Variants in MACROD2 observed in about 807,000 individuals in gnomAD.
MACROD2 encodes the protein mono-ADP ribosylhydrolase 2.
In MACROD2, 36 loss-of-function variants were observed where a neutral mutation model predicts 70.4. The observed-to-expected ratio is 0.51, with a 90% CI of 0.39 to 0.68. MACROD2 has a LOEUF of 0.68. Ranked by LOEUF, MACROD2 falls within the 30% of genes least tolerant of loss-of-function variation. The pLI is 0.00. For synonymous variants in MACROD2, 172 were observed against 178.8 expected (o/e 0.96, Z 0.30); for missense variants, 496 against 538.4 (o/e 0.92, Z 0.78).
At chr20:15,140,769 C>T (rs1222197326) in intron 5 of MACROD2, among the ~76,000 whole-genome samples, 2 of 152,078 alleles carry the variant, frequency 1.3e-5, no homozygotes, top group East Asian at 3.9e-4. Context: ...AGAGTGCTCC[C>T]TTAGGGACCT....
intron 8 of MACROD2, among the ~76,000 whole-genome samples, chr20:15,763,977 A>T (rs932191607): frequency 4.6e-5 from 7 of 152,252 alleles, no homozygotes; most frequent in Non-Finnish European, 8.8e-5. Context: ...TTTTAGCAAG[A>T]TTTGCATAAT....
chr20:14,524,284 C>T (rs1315492240), intron 4 of MACROD2, among the ~76,000 whole-genome samples: 1 of 152,144 alleles, frequency 6.6e-6, no homozygotes, highest in African/African-American at 2.4e-5. Context: ...TAGTCTTTCA[C>T]CTTAAGGATT....
At chr20:14,435,002 A>G (rs575178863) in intron 3 of MACROD2, among the ~76,000 whole-genome samples, 20 of 152,234 alleles carry the variant, frequency 1.3e-4, no homozygotes, top group Admixed American at 1.1e-3. Flanking sequence ...TGATAACTGT[A>G]TTACTTTCCT....
intron 5 of MACROD2, among the ~76,000 whole-genome samples, chr20:15,031,986 C>G (rs2075278594): frequency 6.6e-6 from 1 of 152,196 alleles, no homozygotes; most frequent in African/African-American, 2.4e-5. Flanking sequence ...TGGCCTCCCT[C>G]CCACACTCGT....
intron 7 of MACROD2, among the ~76,000 whole-genome samples, chr20:15,489,148 G>C (rs941788430): frequency 6.6e-6 from 1 of 152,142 alleles, no homozygotes; most frequent in African/African-American, 2.4e-5. Flanking sequence ...GAAAGAAAAA[G>C]TGTCTCAAGA....
Position 14,814,197 on chromosome 20 carries a change from T to A in MACROD2, c.418+129238T>A, listed in dbSNP as rs529109337. Among the ~76,000 whole-genome samples, 9 of 152,176 alleles carry A rather than the reference T, an allele frequency of 5.9e-5. No homozygotes were observed. In the East Asian group the frequency reaches 1.7e-3, roughly 29 times the overall value. ...CCGGACAGAGTGCATTCCAAATCAG[T>A]GCTGTTTCGTGTCTCTCTTTTTCAC... On this transcript the variant is annotated intron_variant, in intron 5 of 17. Transcript: ENST00000684519.
intron 8 of MACROD2, among the ~76,000 whole-genome samples, chr20:15,799,355 A>G (rs1388705185): frequency 2.0e-5 from 3 of 152,216 alleles, no homozygotes; most frequent in Non-Finnish European, 4.4e-5. Context: ...AACTAGAGTT[A>G]TTCTAATGAG....
At chr20:13,998,090 T>C (rs551125747) in intron 1 of MACROD2, among the ~76,000 whole-genome samples, 2 of 152,318 alleles carry the variant, frequency 1.3e-5, no homozygotes, top group East Asian at 3.9e-4. Context: ...GTCTGCCTAC[T>C]TAATTGCTTG....
intron 6 of MACROD2, among the ~76,000 whole-genome samples, chr20:15,280,532 A>G (rs1366165899): frequency 6.6e-6 from 1 of 152,172 alleles, no homozygotes; most frequent in East Asian, 1.9e-4. Flanking sequence ...AGAGTTGCCA[A>G]TGTGGAATTA....
Position 14,508,676 on chromosome 20 carries a change from C to T in MACROD2, c.301+15168C>T, listed in dbSNP as rs984324845. ...AACAACGTGGACAAAAATCCTTGCTCTTGTGAAGTTGGCATTTTATTAAAT... is the reference window on the plus strand; with the variant it reads ...AACAACGTGGACAAAAATCCTTGCTTTTGTGAAGTTGGCATTTTATTAAAT... On this transcript the variant is annotated intron_variant, in intron 4 of 17. Coordinates refer to ENST00000684519, the MANE Select transcript of MACROD2 (RefSeq NM_001351661.2). 3.3e-5 allele frequency among the ~76,000 whole-genome samples: 5 copies of T among 152,178 alleles called. 1 individual carries two copies. The highest frequency in any genetic ancestry group is 2.6e-4 in the Admixed American group (4 of 15,280).
chr20:15,613,653 G>A (rs1600668324), intron 8 of MACROD2, among the ~76,000 whole-genome samples: 2 of 152,310 alleles, frequency 1.3e-5, no homozygotes, highest in Middle Eastern at 3.4e-3. Context: ...ATAAGAGGAC[G>A]GAGGCTTCCA....
intron 6 of MACROD2, among the ~76,000 whole-genome samples, chr20:15,339,997 G>T (rs1192564334): frequency 1.4e-5 from 2 of 148,108 alleles, no homozygotes; most frequent in Non-Finnish European, 2.9e-5. Flanking sequence ...GGCCTCACTG[G>T]CTCCCATTAT....
intron 15 of MACROD2, among the ~76,000 whole-genome samples, chr20:15,999,180 T>C (rs1439971870): frequency 2.0e-5 from 3 of 152,218 alleles, no homozygotes; most frequent in Admixed American, 6.5e-5. Flanking sequence ...AGTTTTGTTA[T>C]ATGGTGTTTC....
intron 5 of MACROD2, among the ~76,000 whole-genome samples, chr20:15,039,975 C>T (rs970866935): frequency 3.9e-5 from 6 of 152,144 alleles, no homozygotes; most frequent in South Asian, 2.1e-4. Flanking sequence ...AAGGGGTCGA[C>T]GTTCAATTAC....
chr20:14,579,269 G>T (rs1475075986), intron 4 of MACROD2, among the ~76,000 whole-genome samples: 1 of 150,756 alleles, frequency 6.6e-6, no homozygotes, highest in Non-Finnish European at 1.5e-5. Context: ...AGCCTCCCCA[G>T]TAGCTGGGAC....
chr20:14,720,540 T>C (rs1291756755), intron 5 of MACROD2, among the ~76,000 whole-genome samples: 4 of 37,320 alleles, frequency 1.1e-4, no homozygotes, highest in African/African-American at 4.4e-4. Context: ...CCACAACTTT[T>C]TTTTTTTTTT....
In MACROD2 at chr20:15,944,556, T is replaced by C. The variant is rs16996835; in HGVS notation, c.907+7012T>C. On this transcript the variant is annotated intron_variant, in intron 12 of 17. Transcript: ENST00000684519. ...TTCCAGTAAATAAATGTTTATATTC[T>C]TATCCAGTCTCAATTTTGAATTGTT... is the stretch of plus-strand genomic sequence containing the variant. Among the ~76,000 whole-genome samples, 334 of 152,276 alleles carry C rather than the reference T, an allele frequency of 2.2e-3. 1 individual carries two copies. The South Asian group carries it at 0.023, about 11-fold the overall frequency.
At chr20:15,934,186 G>A (rs6110837) in intron 11 of MACROD2, among the ~76,000 whole-genome samples, 9,269 of 152,206 alleles carry the variant, frequency 0.061, 663 homozygotes, top group African/African-American at 0.17. Flanking sequence ...CACTTCTGAA[G>A]TAGTGAGCCC....
chr20:14,098,229 T>C (rs113935498), intron 3 of MACROD2, among the ~76,000 whole-genome samples: 28 of 152,208 alleles, frequency 1.8e-4, no homozygotes, highest in African/African-American at 6.8e-4. Context: ...TACAAAGATA[T>C]GTGTAAGACC....
Sources: allele counts gnomAD v4.1 joint callset (sites outside exome capture counted in the v4.1 genomes callset), GRCh38; gene constraint gnomAD v4.1.1; transcripts MANE v1.5; gene names NCBI Gene and HGNC (gene_info 2026-07-23, HGNC 2026-07-21).